Variants in RGS6 observed in about 807,000 individuals in gnomAD.
RGS6 encodes regulator of G-protein signaling 6.
A neutral mutation model predicts 78.5 loss-of-function variants in RGS6; 30 were observed. The observed-to-expected ratio is 0.38, with a 90% confidence interval of 0.29 to 0.52. The LOEUF (loss-of-function observed/expected upper bound fraction) is 0.52, where lower values mean the gene tolerates loss of function less well. RGS6 is among the 20% of genes least tolerant of loss of function. The pLI is 0.85. For synonymous variants in RGS6, 206 were observed against 206.0 expected (o/e 1.00, Z 0.00); for missense variants, 495 against 609.7 (o/e 0.81, Z 1.98).
chr14:72,541,131 T>C (rs2097321562), intron 17 of RGS6: 2 of 1,368,754 alleles, frequency 1.5e-6, no homozygotes, highest in Non-Finnish European at 1.9e-6. Flanking sequence ...TGCAGGGAGC[T>C]GGCCACATTC....
At chr14:72,304,462 G>T (rs1007751508) in intron 2 of RGS6, among the ~76,000 whole-genome samples, 3 of 152,144 alleles carry the variant, frequency 2.0e-5, no homozygotes, top group Non-Finnish European at 4.4e-5. Context: ...TTTACTCTTT[G>T]GTTCCACAGC....
chr14:72,390,190 C>G (rs1283402206), intron 3 of RGS6, among the ~76,000 whole-genome samples: 1 of 151,300 alleles, frequency 6.6e-6, no homozygotes, highest in African/African-American at 2.4e-5. Context: ...CTCCGCTTCC[C>G]GGGTTGAAGC....
intron 2 of RGS6, among the ~76,000 whole-genome samples, chr14:72,113,160 GC>G (rs1413744515): frequency 6.6e-6 from 1 of 152,186 alleles, no homozygotes; most frequent in Non-Finnish European, 1.5e-5. Flanking sequence ...GCTGGGGCAA[GC>G]CCCCCGACAT....
intron 17 of RGS6, among the ~76,000 whole-genome samples, chr14:72,556,079 C>T (rs2097570993): frequency 6.6e-6 from 1 of 151,712 alleles, no homozygotes; most frequent in Non-Finnish European, 1.5e-5. Context: ...ACTGGCAACT[C>T]TTCTTTTGTA....
chr14:72,495,940 C>T (rs892559077), intron 13 of RGS6, among the ~76,000 whole-genome samples: 4 of 152,200 alleles, frequency 2.6e-5, no homozygotes, highest in Admixed American at 2.0e-4. Flanking sequence ...GAAGGAAACA[C>T]ACAGACAAAG....
At chr14:72,269,657 C>G (rs1253119857) in intron 2 of RGS6, among the ~76,000 whole-genome samples, 3 of 150,648 alleles carry the variant, frequency 2.0e-5, no homozygotes, top group African/African-American at 7.4e-5. Context: ...CTCTGCCTCC[C>G]GGGCTCAAGG....
chr14:72,376,144 A>C (rs2084655910), intron 3 of RGS6, among the ~76,000 whole-genome samples: 1 of 152,218 alleles, frequency 6.6e-6, no homozygotes, highest in South Asian at 2.1e-4. Flanking sequence ...TTTAATGAGA[A>C]ATTCAACAGA....
intron 2 of RGS6, among the ~76,000 whole-genome samples, chr14:72,013,836 TC>T (rs879728954): frequency 1.3e-5 from 2 of 152,208 alleles, no homozygotes; most frequent in Non-Finnish European, 2.9e-5. Flanking sequence ...GATTATAGAT[TC>T]AGAAATAATG....
intron 1 of RGS6, among the ~76,000 whole-genome samples, chr14:71,955,483 A>G (rs2092712781): frequency 6.6e-6 from 1 of 152,174 alleles, no homozygotes; most frequent in Non-Finnish European, 1.5e-5. Context: ...CCATAGATAG[A>G]GCAGCCCTGA....
At chr14:72,518,811 C>CTT (rs1395348438) in intron 15 of RGS6, among the ~76,000 whole-genome samples, 1 of 152,158 alleles carries the variant, frequency 6.6e-6, no homozygotes, top group East Asian at 1.9e-4. Context: ...AATCTGAAGG[C>CTT]TTGTAATAAG....
chr14:72,063,070 C>T (rs900552194), intron 2 of RGS6, among the ~76,000 whole-genome samples: 3 of 152,028 alleles, frequency 2.0e-5, no homozygotes, highest in South Asian at 2.1e-4. Context: ...GTGATCTGCC[C>T]GCCTCGGCCT....
intron 1 of RGS6, among the ~76,000 whole-genome samples, chr14:71,951,069 A>G (rs1021860385): frequency 3.9e-5 from 6 of 152,204 alleles, no homozygotes; most frequent in African/African-American, 1.4e-4. Context: ...ATCAACCTAA[A>G]GGAATATAAA....
intron 2 of RGS6, among the ~76,000 whole-genome samples, chr14:72,275,698 C>T (rs2060561930): frequency 6.6e-6 from 1 of 152,162 alleles, no homozygotes; most frequent in Non-Finnish European, 1.5e-5. Flanking sequence ...TCTGTCCTTC[C>T]ACACACTACC....
At chr14:72,027,897 A>G (rs1438945144) in intron 2 of RGS6, among the ~76,000 whole-genome samples, 2 of 152,146 alleles carry the variant, frequency 1.3e-5, no homozygotes, top group Non-Finnish European at 2.9e-5. Flanking sequence ...CTTCGGTGAG[A>G]TGACTTGACT....
At chr14:71,953,065 C>T (rs767608552) in intron 1 of RGS6, among the ~76,000 whole-genome samples, 31 of 152,142 alleles carry the variant, frequency 2.0e-4, no homozygotes, top group Non-Finnish European at 4.1e-4. Context: ...TCTGCAGTCC[C>T]AATAGTCAGT....
intron 2 of RGS6, among the ~76,000 whole-genome samples, chr14:71,992,727 G>A (rs2095018275): frequency 6.6e-6 from 1 of 152,186 alleles, no homozygotes; most frequent in Non-Finnish European, 1.5e-5. Flanking sequence ...TTAAGGTTTT[G>A]ATATTTGTTG....
At chr14:71,990,910 T>C (rs1242277222) in intron 2 of RGS6, 8 of 452,530 alleles carry the variant, frequency 1.8e-5, no homozygotes, top group Non-Finnish European at 3.6e-5. Flanking sequence ...TGTAGCATCC[T>C]CCACATAGTT....
the RGS6 span, among the ~76,000 whole-genome samples, chr14:71,870,855 G>C: frequency 1.3e-5 from 2 of 152,330 alleles, no homozygotes; most frequent in African/African-American, 4.8e-5. Context: ...CACTTGAAAA[G>C]TGAGCCTTAT....
intron 3 of RGS6, among the ~76,000 whole-genome samples, chr14:72,418,147 G>T (rs188050773): frequency 6.6e-6 from 1 of 151,456 alleles, no homozygotes; most frequent in African/African-American, 2.4e-5. Context: ...CATCTGTACT[G>T]CCAGTGTCTC....
Sources: gnomAD v4.1 joint callset for allele counts (sites outside exome capture counted in the v4.1 genomes callset) on GRCh38, gnomAD v4.1.1 for gene constraint, MANE v1.5 for transcripts, NCBI Gene and HGNC (gene_info 2026-07-23, HGNC 2026-07-21) for gene names.